The following LGR6 variants were observed in gnomAD, a reference collection of about 807,000 sequenced individuals.
The protein encoded by LGR6 is leucine rich repeat containing G protein-coupled receptor 6, also known as leucine-rich repeat-containing G protein-coupled receptor 6.
Under a neutral mutation model 69.4 loss-of-function variants are expected in LGR6, and 45 were observed. The ratio of observed to expected loss-of-function variants is 0.65; its 90% CI spans 0.51 to 0.83. LGR6 has a LOEUF of 0.83. LGR6 is among the 40% of genes least tolerant of loss of function. The pLI is 0.00. For missense variants in LGR6, 1,108 were observed against 1,246.7 expected, an observed-to-expected ratio of 0.89 and a Z score of 1.68; for synonymous variants, 538 against 555.0, an observed-to-expected ratio of 0.97 and a Z score of 0.43.
intron 4 of LGR6, among the ~76,000 whole-genome samples, chr1:202,253,551 C>T (rs1006881041): frequency 2.0e-5 from 3 of 151,940 alleles, no homozygotes; most frequent in East Asian, 1.9e-4. Context: ...GATCCGCCTG[C>T]CTCGGCCTCC....
intron 16 of LGR6, among the ~76,000 whole-genome samples, 182 bp downstream of exon 16, chr1:202,310,539 A>G (rs1417433180): frequency 2.6e-5 from 4 of 152,106 alleles, no homozygotes; most frequent in Non-Finnish European, 4.4e-5. Flanking sequence ...TTGTCTCTCC[A>G]AGACTACACC....
chr1:202,278,386 C>G (rs1053564994), intron 5 of LGR6, among the ~76,000 whole-genome samples: 1 of 152,020 alleles, frequency 6.6e-6, no homozygotes, highest in African/African-American at 2.4e-5. Context: ...AGGAATTGGC[C>G]TATAAGTCAG....
At position 202,309,150 on chromosome 1, in the gene LGR6, C is replaced by T. The variant is rs1271863543; in HGVS notation, c.1380C>T (p.Phe460=). Residue 460 remains phenylalanine, a synonymous_variant, in exon 15 of 18, where the codon TTC becomes TTT. Coordinates refer to ENST00000367278, the MANE Select transcript of LGR6 (RefSeq NM_001017403.2). ...LKGNLALSQA[F]SKDSFPKLRI... is the part of the protein sequence containing the mutation. Reference sequence around the variant, plus strand: ...GGAACCTTGCTCTCTCCCAGGCCTTCTCCAAGGACAGTTTCCCAAAACTGA... The same window carrying T: ...GGAACCTTGCTCTCTCCCAGGCCTTTTCCAAGGACAGTTTCCCAAAACTGA... 1 of 1,614,060 alleles carries T rather than the reference C, an allele frequency of 6.2e-7. No homozygotes were observed. Among genetic ancestry groups the T allele is most frequent in the African/African-American group, 1.3e-5 (1 of 74,950 alleles).
intron 4 of LGR6, among the ~76,000 whole-genome samples, chr1:202,270,600 G>C (rs2993443): frequency 0.59 from 89,175 of 152,150 alleles, 27,407 homozygotes; most frequent in East Asian, 0.83. Flanking sequence ...CTTTATCTCT[G>C]TGGGCTTCAG....
At chr1:202,257,014 T>G (rs1358755139) in intron 4 of LGR6, among the ~76,000 whole-genome samples, 1 of 152,238 alleles carries the variant, frequency 6.6e-6, no homozygotes, top group Non-Finnish European at 1.5e-5. Context: ...ATATCTTGTT[T>G]GGAGAAATGT....
At chr1:202,205,440 C>G (rs934332582) in intron 1 of LGR6, among the ~76,000 whole-genome samples, 1 of 147,146 alleles carries the variant, frequency 6.8e-6, no homozygotes, top group Non-Finnish European at 1.5e-5. Flanking sequence ...CACACACCTC[C>G]TTCAAACACA....
rs1286343482 is a variant in LGR6 at position 202,218,342 on chromosome 1, A to G, written c.213-7081A>G. The stretch of plus-strand genomic sequence containing the variant: ...GAGAGAAAGTCTCAGTCTGTTGTCC[A>G]GCCTGGAGTGTAGTGGTACTACCCT... On this transcript the variant is annotated intron_variant, in intron 1 of 17. Transcript: ENST00000367278. 2.6e-5 allele frequency among the ~76,000 whole-genome samples: 4 copies of G among 152,186 alleles called. No homozygotes were observed. In the East Asian group the frequency reaches 5.8e-4, roughly 22 times the overall value.
At chr1:202,241,710 G>A (rs1240495171) in intron 4 of LGR6, among the ~76,000 whole-genome samples, 1 of 150,242 alleles carries the variant, frequency 6.7e-6, no homozygotes, top group African/African-American at 2.5e-5. Flanking sequence ...AGCAGAAGAA[G>A]TGGGGGCTGC....
chr1:202,252,535 C>G (rs1207061901), intron 4 of LGR6, among the ~76,000 whole-genome samples: 1 of 152,202 alleles, frequency 6.6e-6, no homozygotes, highest in Non-Finnish European at 1.5e-5. Context: ...GGCAGGATTG[C>G]CACCAGCTGA....
At chr1:202,276,265 C>G in intron 4 of LGR6, 41 bp from the exon 5 acceptor site, 1 of 1,548,086 alleles carries the variant, frequency 6.5e-7, no homozygotes. Context: ...TGGTCTGCAT[C>G]TTGCCCTGGA....
At chr1:202,245,741 C>G (rs994144992) in intron 4 of LGR6, among the ~76,000 whole-genome samples, 1 of 152,090 alleles carries the variant, frequency 6.6e-6, no homozygotes, top group African/African-American at 2.4e-5. Context: ...GTGGGTGATC[C>G]CTCCCCCATG....
rs1437987155 is a variant in LGR6, at chr1:202,268,393, A to G, written c.429-7913A>G. 6.6e-6 allele frequency among the ~76,000 whole-genome samples: 1 copy of G among 151,916 alleles called. No homozygotes were observed. Among genetic ancestry groups the G allele is most frequent in the Non-Finnish European group, 1.5e-5 (1 of 67,988 alleles). ...CTCGGTCAGGGCCGTTGGTCCCTCC[A>G]GGCAATCAACGGCTCCCACGTGGAA... On this transcript the variant is annotated intron_variant, in intron 4 of 17. Transcript: ENST00000367278. The surrounding 1 kb of genome is among the most constrained non-coding windows in gnomAD (Gnocchi z 4.4).
At chr1:202,278,979 C>G (rs1190728579) in intron 5 of LGR6, among the ~76,000 whole-genome samples, 1 of 152,168 alleles carries the variant, frequency 6.6e-6, no homozygotes, top group Non-Finnish European at 1.5e-5. Flanking sequence ...CTCTCCCAGA[C>G]TGGACCATTT....
In LGR6 at chr1:202,303,354, G is replaced by A; in HGVS notation, c.998+7G>A. The A allele has an allele frequency of 6.2e-7, 1 of 1,610,544 alleles. No individual in the cohort carries two copies. The highest frequency in any genetic ancestry group is 1.7e-4 in the Middle Eastern group (1 of 6,056). Reference sequence around the variant, plus strand: ...CCACCAGCCTGGAGATCCTGTGAGTGGCTTCTCTCTCCCTACCTTATCTAT... The same window carrying A: ...CCACCAGCCTGGAGATCCTGTGAGTAGCTTCTCTCTCCCTACCTTATCTAT... On this transcript the variant is annotated splice_region_variant and intron_variant, in intron 10 of 17. Coordinates refer to ENST00000367278, the MANE Select transcript of LGR6 (RefSeq NM_001017403.2).
chr1:202,280,520 T>A (rs1665920481), intron 5 of LGR6, among the ~76,000 whole-genome samples: 4 of 152,292 alleles, frequency 2.6e-5, no homozygotes, highest in Admixed American at 6.5e-5. Flanking sequence ...TGCTTTAGCC[T>A]TGGCCTGAGG....
At chr1:202,286,831 G>A (rs1191983748) in intron 6 of LGR6, among the ~76,000 whole-genome samples, 3 of 152,104 alleles carry the variant, frequency 2.0e-5, no homozygotes, top group South Asian at 2.1e-4. Flanking sequence ...TTCTGTGACC[G>A]TGACGAGTTA....
chr1:202,290,591 G>A (rs1044041082), intron 6 of LGR6, among the ~76,000 whole-genome samples: 3 of 152,196 alleles, frequency 2.0e-5, no homozygotes, highest in East Asian at 3.8e-4. Context: ...AAAAAAGGGG[G>A]GCCAGGCGCG....
chr1:202,270,247 G>GTT (rs56357341), intron 4 of LGR6, among the ~76,000 whole-genome samples: 160 of 144,640 alleles, frequency 1.1e-3, no homozygotes, highest in African/African-American at 2.6e-3. Context: ...TTTTGCTTTT[G>GTT]TTTTTTTTTT....
chr1:202,253,843 T>C (rs1402789713), intron 4 of LGR6, among the ~76,000 whole-genome samples: 1 of 124,562 alleles, frequency 8.0e-6, no homozygotes, highest in Non-Finnish European at 1.6e-5. Context: ...TCTCGCTCTG[T>C]CGCCCAGGCT....
Sources: gnomAD v4.1 joint callset for allele counts (sites outside exome capture counted in the v4.1 genomes callset) on GRCh38, gnomAD v4.1.1 for gene constraint, Gnocchi (gnomAD v3.1) non-coding constraint, MANE v1.5 for transcripts, NCBI Gene and HGNC (gene_info 2026-07-23, HGNC 2026-07-21) for gene names.